Variants in TUBB2A observed in about 807,000 individuals in gnomAD.
TUBB2A encodes the protein tubulin beta-2A chain.
A neutral mutation model predicts 33.9 loss-of-function variants in TUBB2A; 7 were observed. The observed-to-expected ratio is 0.21, with a 90% CI of 0.12 to 0.39. TUBB2A has a LOEUF of 0.39. TUBB2A is among the 10% of genes least tolerant of loss of function. TUBB2A has a pLI of 1.00. For missense variants in TUBB2A, 80 were observed against 593.4 expected (o/e 0.13, Z 8.99); for synonymous variants, 187 against 247.6 (o/e 0.76, Z 2.30).
In TUBB2A at chr6:3,153,815, G is replaced by A; in HGVS notation, c.*48C>T. 6.2e-7 allele frequency: 1 copy of A among 1,609,512 alleles called. No homozygotes were observed. ...GTTTACAAGTAGAAAGACCATGCTT[G>A]AGGACAACAGAAGTTCACTAAGGAT... is the stretch of plus-strand genomic sequence containing the variant. On this transcript the variant is annotated 3_prime_UTR_variant, in exon 4 of 4. Transcript: ENST00000333628.
At position 3,155,015 on chromosome 6, in the gene TUBB2A, T is replaced by G; in HGVS notation, c.278-92A>C. On this transcript the variant is annotated intron_variant, in intron 3 of 3. Transcript: ENST00000333628. The surrounding 1 kb of genome is among the most constrained non-coding windows in gnomAD (Gnocchi z 4.2). ...ATGGAGGAGAAGGTAGGACTGGTCTTAGACTGGCAGATTCTTCTCTTTTGA... is the reference window on the plus strand; with the variant it reads ...ATGGAGGAGAAGGTAGGACTGGTCTGAGACTGGCAGATTCTTCTCTTTTGA... 6.4e-7 allele frequency: 1 copy of G among 1,569,480 alleles called. No individual in the cohort carries two copies. The highest frequency in any genetic ancestry group is 8.7e-7 in the Non-Finnish European group (1 of 1,155,286).
rs1274561152 is a variant in TUBB2A at position 3,154,499 on chromosome 6, G to A, written c.702C>T (p.Ser234=). 6 of 1,606,090 alleles carry A rather than the reference G, an allele frequency of 3.7e-6. No individual in the cohort carries two copies. The highest frequency in any genetic ancestry group is 1.4e-5 in the African/African-American group (1 of 73,182). Residue 234 remains serine, a synonymous_variant, in exon 4 of 4, where the codon AGC becomes AGT. Transcript: ENST00000333628. The part of the protein sequence containing the change: ...DLNHLVSATM[S]GVTTCLRFPG... ...GGAAGCGCAGGCAGGTGGTGACCCCGCTCATGGTGGCCGACACCAGGTGGT... is the reference window on the plus strand; with the variant it reads ...GGAAGCGCAGGCAGGTGGTGACCCCACTCATGGTGGCCGACACCAGGTGGT...
chr6:3,155,028 TC>T lies in TUBB2A; in HGVS notation c.278-106del. ...TAGGACTGGTCTTAGACTGGCAGATTCTTCTCTTTTGAATACTCTTCTTTTA... is the reference window on the plus strand; with the variant it reads ...TAGGACTGGTCTTAGACTGGCAGATTTTCTCTTTTGAATACTCTTCTTTTA... On this transcript the variant is annotated intron_variant, in intron 3 of 3. Transcript: ENST00000333628. This position sits in a 1 kb window ranked among gnomAD's most constrained non-coding sequence, Gnocchi z 4.2. The T allele has an allele frequency of 6.4e-7, 1 of 1,550,594 alleles. No homozygotes were observed. Among genetic ancestry groups the T allele is most frequent in the Non-Finnish European group, 8.7e-7 (1 of 1,144,962 alleles).
In TUBB2A at chr6:3,154,756, T is replaced by A; in HGVS notation, c.445A>T (p.Thr149Ser). 6.2e-7 allele frequency: 1 copy of A among 1,609,568 alleles called. No individual in the cohort carries two copies. Among genetic ancestry groups the A allele is most frequent in the Non-Finnish European group, 8.5e-7 (1 of 1,177,626 alleles). The change falls in exon 4 of 4, where the codon ACC becomes TCC. Residue 149 changes from threonine (T) to serine (S), a missense_variant. Physicochemically the swap from Thr to Ser is moderately conservative, Grantham distance 58. Around this residue, in one of 5 missense-constraint regions of TUBB2A, gnomAD observed 27 missense variants for 165.8 expected, o/e 0.16. Transcript: ENST00000333628. Reference sequence around the variant, plus strand: ...TCCCGGATCTTGCTGATGAGCAGGGTGCCCATCCCGGACCCCGTGCCGCCC... The same window carrying A: ...TCCCGGATCTTGCTGATGAGCAGGGAGCCCATCCCGGACCCCGTGCCGCCC... ...LGGGTGSGMG[T>S]LLISKIREEY...
At position 3,155,159 on chromosome 6, in the gene TUBB2A, A is replaced by C; in HGVS notation, c.278-236T>G. On this transcript the variant is annotated intron_variant, in intron 3 of 3. Coordinates refer to ENST00000333628, the MANE Select transcript of TUBB2A (RefSeq NM_001069.3). This position sits in a 1 kb window ranked among gnomAD's most constrained non-coding sequence, Gnocchi z 4.2. ...CTGAGGCTATTGATTGAGGAAGAGGATAGGGTTAGAAAACTTAATTGGTTC... is the reference window on the plus strand; with the variant it reads ...CTGAGGCTATTGATTGAGGAAGAGGCTAGGGTTAGAAAACTTAATTGGTTC... 8.4e-7 allele frequency: 1 copy of C among 1,196,220 alleles called. No individual in the cohort carries two copies. The highest frequency in any genetic ancestry group is 1.1e-6 in the Non-Finnish European group (1 of 880,504). 74.1% of individuals were successfully genotyped at this position (1,196,220 alleles called of 1,614,324 possible). A position where few individuals can be genotyped will look rare whatever the true frequency, so the allele number is the denominator to read the frequency against.
Position 3,155,928 on chromosome 6 carries a change from G to A in TUBB2A, c.166+116C>T. On this transcript the variant is annotated intron_variant, in intron 2 of 3. Transcript: ENST00000333628. The surrounding 1 kb of genome is among the most constrained non-coding windows in gnomAD (Gnocchi z 4.2). ...ATAAAACATGTTTTTCCAGCAGTTG[G>A]CATTTGAAATGAATATGCAAGAAGC... 1 of 1,494,974 alleles carries A rather than the reference G, an allele frequency of 6.7e-7. No homozygotes were observed. Among genetic ancestry groups the A allele is most frequent in the Non-Finnish European group, 9.0e-7 (1 of 1,111,514 alleles). The allele number at this position is 1,494,974 out of a possible 1,614,324, so 92.6% of individuals were successfully genotyped here. A position where few individuals can be genotyped will look rare whatever the true frequency, so the allele number is the denominator to read the frequency against.
chr6:3,154,923 C>T lies in TUBB2A; in HGVS notation c.278G>A (p.Gly93Asp). 1 of 1,613,916 alleles carries T rather than the reference C, an allele frequency of 6.2e-7. No homozygotes were observed. Among genetic ancestry groups the T allele is most frequent in the Non-Finnish European group, 8.5e-7 (1 of 1,179,992 alleles). ...CCAGTTATTCCCGGCTCCACTCTGG[C>T]CTGCCAGAGGGAAAGTGAACATTAG... is the stretch of plus-strand genomic sequence containing the variant. ...QIFRPDNFVFGQSGAGNNWAK... is the reference protein window; with the variant it reads ...QIFRPDNFVFDQSGAGNNWAK... Residue 93 changes from glycine (G) to aspartate (D), a missense_variant and splice_region_variant, in exon 4 of 4, where the codon GGC becomes GAC. This residue lies in a region of TUBB2A where 27 missense variants were observed against 165.8 expected (regional missense o/e 0.16). Transcript: ENST00000333628.
At position 3,157,403 on chromosome 6, in the gene TUBB2A, C is replaced by G; in HGVS notation, c.57+4G>C. The G allele has an allele frequency of 6.5e-7, 1 of 1,534,028 alleles. No homozygotes were observed. Among genetic ancestry groups the G allele is most frequent in the Non-Finnish European group, 8.7e-7 (1 of 1,146,804 alleles). On this transcript the variant is annotated splice_donor_region_variant and intron_variant, in intron 1 of 3. Coordinates refer to ENST00000333628, the MANE Select transcript of TUBB2A (RefSeq NM_001069.3). ...CCCGGGCCCCTCCGTGGCGGTGAGC[C>G]CACCTTGGCGCCGATCTGGTTGCCG...
Position 3,153,890 on chromosome 6 carries a change from C to T in TUBB2A, c.1311G>A (p.Glu437=), listed in dbSNP as rs755145441. 3.7e-6 allele frequency: 6 copies of T among 1,614,000 alleles called. No homozygotes were observed. Among genetic ancestry groups the T allele is most frequent in the Admixed American group, 1.7e-5 (1 of 60,012 alleles). Residue 437 remains glutamate, a synonymous_variant, in exon 4 of 4, where the codon GAG becomes GAA. Transcript: ENST00000333628. ...AAGCCTCGTCCTCGCCCTCCTCCTC[C>T]TCGAACTCCCCTTGTTCGTCGGCCG... The part of the protein sequence containing the change: ...DATADEQGEF[E]EEEGEDEA
rs1407787719 is a variant in TUBB2A, at chr6:3,156,290, T to C, written c.58-138A>G. On this transcript the variant is annotated intron_variant, in intron 1 of 3. Transcript: ENST00000333628. ...AAGTGCTAGACAGAGAGCAAAGAGC[T>C]GCACCCCCTATTTCCTGCAGCAGCC... is the stretch of plus-strand genomic sequence containing the variant. 10 of 1,440,944 alleles carry C rather than the reference T, an allele frequency of 6.9e-6. No homozygotes were observed. The East Asian group carries it at 2.2e-4, about 31-fold the overall frequency. The allele number at this position is 1,440,944 out of a possible 1,614,324, so 89.3% of individuals were successfully genotyped here. A position where few individuals can be genotyped will look rare whatever the true frequency, so the allele number is the denominator to read the frequency against.
chr6:3,157,048 T>C (rs1232154757), intron 1 of TUBB2A, among the ~76,000 whole-genome samples: 4 of 152,234 alleles, frequency 2.6e-5, no homozygotes, highest in Non-Finnish European at 5.9e-5. Context: ...ACACTGCATG[T>C]TTTCATTCAA....
At position 3,156,140 on chromosome 6, in the gene TUBB2A, T is replaced by C. The variant is rs1224433856; in HGVS notation, c.70A>G (p.Ile24Val). ...GGGTCGATCCCATGCTCATCGCTGA[T>C]GACCTCCCAAAACTGAAATGAAAAA... ...NQIGAKFWEV[I>V]SDEHGIDPTG... Residue 24 changes from isoleucine to valine, a missense_variant, in exon 2 of 4, where the codon ATC (isoleucine) becomes GTC (valine). Ile to Val is a conservative substitution (Grantham distance 29, BLOSUM62 3). Transcript: ENST00000333628. The C allele has an allele frequency of 1.2e-6, 2 of 1,613,724 alleles. No homozygotes were observed. Among genetic ancestry groups the C allele is most frequent in the African/African-American group, 2.7e-5 (2 of 74,946 alleles).
At chr6:3,157,112 T>C (rs984167844) in intron 1 of TUBB2A, among the ~76,000 whole-genome samples, 2 of 152,254 alleles carry the variant, frequency 1.3e-5, no homozygotes, top group African/African-American at 4.8e-5. Flanking sequence ...GCAATAAATA[T>C]GACCGTACCC....
Position 3,155,091 on chromosome 6 carries a change from A to C in TUBB2A, c.278-168T>G. ...ATTTTTCTATGTCAGTGACCTCAAA[A>C]ACACTGGGGATCATAATAAAGTAAG... On this transcript the variant is annotated intron_variant, in intron 3 of 3. Coordinates refer to ENST00000333628, the MANE Select transcript of TUBB2A (RefSeq NM_001069.3). The surrounding 1 kb of genome is among the most constrained non-coding windows in gnomAD (Gnocchi z 4.2). The C allele has an allele frequency of 6.8e-7, 1 of 1,462,810 alleles. No homozygotes were observed. Among genetic ancestry groups the C allele is most frequent in the Non-Finnish European group, 9.1e-7 (1 of 1,100,276 alleles). The allele number at this position is 1,462,810 out of a possible 1,614,324, so 90.6% of individuals were successfully genotyped here.
Position 3,155,873 on chromosome 6 carries a change from G to A in TUBB2A, c.167-138C>T, listed in dbSNP as rs1020260157. 2.2e-5 allele frequency: 30 copies of A among 1,380,098 alleles called. No homozygotes were observed. Among genetic ancestry groups the A allele is most frequent in the Admixed American group, 7.6e-5 (3 of 39,502 alleles). The allele number at this position is 1,380,098 out of a possible 1,614,324, so 85.5% of individuals were successfully genotyped here. On this transcript the variant is annotated intron_variant, in intron 2 of 3. Coordinates refer to ENST00000333628, the MANE Select transcript of TUBB2A (RefSeq NM_001069.3). This position sits in a 1 kb window ranked among gnomAD's most constrained non-coding sequence, Gnocchi z 4.2. ...AAGGAGGTCCTGAGTGTGCTTAGCC[G>A]TGGCAAACAGGCAGGAATCTTAGGA...
Position 3,157,465 on chromosome 6 carries a change from G to C in TUBB2A, c.-2C>G. ...CTGGATGTGCACGATCTCGCGCATG[G>C]TGCCGGCTGCGGAGCGGGTGGCGCT... On this transcript the variant is annotated 5_prime_UTR_variant, in exon 1 of 4. Coordinates refer to ENST00000333628, the MANE Select transcript of TUBB2A (RefSeq NM_001069.3). 6.5e-7 allele frequency: 1 copy of C among 1,534,238 alleles called. No individual in the cohort carries two copies. The highest frequency in any genetic ancestry group is 8.7e-7 in the Non-Finnish European group (1 of 1,147,086).
intron 1 of TUBB2A, 134 bp downstream of exon 1, chr6:3,157,273 G>A: frequency 9.3e-7 from 1 of 1,072,484 alleles, no homozygotes; most frequent in Non-Finnish European, 1.2e-6. Context: ...CAGCCTCCCG[G>A]ACCCCGCCCG....
chr6:3,154,531 C>A lies in TUBB2A; in HGVS notation c.670G>T (p.Asp224Tyr), dbSNP rs1362967766. 6.2e-7 allele frequency: 1 copy of A among 1,611,872 alleles called. No individual in the cohort carries two copies. The highest frequency in any genetic ancestry group is 8.5e-7 in the Non-Finnish European group (1 of 1,179,442). Residue 224 changes from aspartate (D) to tyrosine (Y), a missense_variant, in exon 4 of 4, where the codon GAC becomes TAC. By Grantham distance (160) the Asp-to-Tyr change is radical. Coordinates refer to ENST00000333628, the MANE Select transcript of TUBB2A (RefSeq NM_001069.3). ...TLKLTTPTYG[D>Y]LNHLVSATMS... ...GTGGCCGACACCAGGTGGTTGAGGTCCCCGTAGGTGGGGGTGGTCAGCTTC... is the reference window on the plus strand; with the variant it reads ...GTGGCCGACACCAGGTGGTTGAGGTACCCGTAGGTGGGGGTGGTCAGCTTC...
At chr6:3,156,953 G>A (rs1762646899) in intron 1 of TUBB2A, among the ~76,000 whole-genome samples, 1 of 152,224 alleles carries the variant, frequency 6.6e-6, no homozygotes, top group South Asian at 2.1e-4. Context: ...ATCATGTCAA[G>A]ACAGTGCCCG....
Sources: gnomAD v4.1 joint callset for allele counts (sites outside exome capture counted in the v4.1 genomes callset) on GRCh38, gnomAD v4.1.1 for gene constraint, gnomAD v4.1.1 regional missense constraint, Gnocchi (gnomAD v3.1) non-coding constraint, MANE v1.5 for transcripts, NCBI Gene and HGNC (gene_info 2026-07-23, HGNC 2026-07-21) for gene names.